MAX: variants seen among roughly 807,000 people sequenced by gnomAD.
MAX encodes protein max.
Under a neutral mutation model 22.3 loss-of-function variants are expected in MAX, and 3 were observed. The observed-to-expected ratio is 0.13, with a 90% CI of 0.06 to 0.35. The LOEUF is 0.35. Ranked by LOEUF, MAX falls within the 10% of genes least tolerant of loss-of-function variation. The pLI is 1.00. For missense variants in MAX, 119 were observed against 209.4 expected, an observed-to-expected ratio of 0.57 and a Z score of 2.66; for synonymous variants, 72 against 77.7, an observed-to-expected ratio of 0.93 and a Z score of 0.39.
At chr14:65,043,106 C>G (rs1006580781) in intron 3 of MAX, among the ~76,000 whole-genome samples, 3 of 152,162 alleles carry the variant, frequency 2.0e-5, no homozygotes, top group Admixed American at 2.0e-4. Context: ...AGGAAGTACC[C>G]TCCCCTGTAC....
Position 65,009,664 on chromosome 14 carries a change from G to T in MAX, c.172-3380C>A, listed in dbSNP as rs2061654264. On this transcript the variant is annotated intron_variant, in intron 3 of 3. Transcript: ENST00000341653. The surrounding 1 kb of genome is among the most constrained non-coding windows in gnomAD (Gnocchi z 4.2). ...CCCTATGGATTTCCTCTGAGCTTTTGCATTTCTAATGTGGAATTTCTCTGC... is the reference window on the plus strand; with the variant it reads ...CCCTATGGATTTCCTCTGAGCTTTTTCATTTCTAATGTGGAATTTCTCTGC... 6.6e-6 allele frequency among the ~76,000 whole-genome samples: 1 copy of T among 152,010 alleles called. No individual in the cohort carries two copies. The highest frequency in any genetic ancestry group is 1.5e-5 in the Non-Finnish European group (1 of 67,998).
In MAX at chr14:65,027,762, G is replaced by A. The variant is rs1442556611; in HGVS notation, c.172-21478C>T. On this transcript the variant is annotated intron_variant, in intron 3 of 3. Transcript: ENST00000341653. This position sits in a 1 kb window ranked among gnomAD's most constrained non-coding sequence, Gnocchi z 5.7. ...TGACGGCTCCTTTCTCATGCATGTCGGAGGTGAGGTGGATGTGAGGTGAGT... is the reference window on the plus strand; with the variant it reads ...TGACGGCTCCTTTCTCATGCATGTCAGAGGTGAGGTGGATGTGAGGTGAGT... 6 of 1,614,088 alleles carry A rather than the reference G, an allele frequency of 3.7e-6. No individual in the cohort carries two copies. The highest frequency in any genetic ancestry group is 1.3e-5 in the African/African-American group (1 of 74,998).
At position 65,022,152 on chromosome 14, in the gene MAX, G is replaced by A. The variant is rs887935473; in HGVS notation, c.172-15868C>T. 7 of 445,274 alleles carry A rather than the reference G, an allele frequency of 1.6e-5. No homozygotes were observed. In the East Asian group the frequency reaches 4.2e-4, roughly 27 times the overall value. The allele number at this position is 445,274 out of a possible 1,614,324, so 27.6% of individuals were successfully genotyped here. ...GATTTCCTCTTCACTATATCAAGCT[G>A]AAGCTGTTTTAGTTAGTACGAGAAC... is the stretch of plus-strand genomic sequence containing the variant. On this transcript the variant is annotated intron_variant, in intron 3 of 3. Transcript: ENST00000341653.
At chr14:65,094,448 T>C (rs1037117536) in intron 2 of MAX, among the ~76,000 whole-genome samples, 1 of 152,242 alleles carries the variant, frequency 6.6e-6, no homozygotes, top group Non-Finnish European at 1.5e-5. Context: ...AGTTCCTATT[T>C]TTTAAAAGTA....
Position 65,077,462 on chromosome 14 carries a change from G to T in MAX, c.295+451C>A. On this transcript the variant is annotated intron_variant, in intron 4 of 4. Transcript: ENST00000358664. This position sits in a 1 kb window ranked among gnomAD's most constrained non-coding sequence, Gnocchi z 6.3. The stretch of plus-strand genomic sequence containing the variant: ...GTAGGAAAAGGCGGGTGTGAGCATT[G>T]AGAACAGCATGGGCCTAGCCCATAG... 7.1e-7 allele frequency: 1 copy of T among 1,410,504 alleles called. No individual in the cohort carries two copies. The highest frequency in any genetic ancestry group is 1.0e-6 in the Non-Finnish European group (1 of 994,100). 87.4% of individuals were successfully genotyped at this position (1,410,504 alleles called of 1,614,324 possible).
At chr14:65,053,625 T>TAAAAAAAAACAAAC (rs201558638) in intron 3 of MAX, among the ~76,000 whole-genome samples, 1 of 146,246 alleles carries the variant, frequency 6.8e-6, no homozygotes, top group South Asian at 2.1e-4. Flanking sequence ...CTTCTTTTTT[T>TAAAAAAAAACAAAC]TAAAAAAAAC....
intron 3 of MAX, among the ~76,000 whole-genome samples, chr14:65,008,809 C>G (rs2061637310): frequency 6.6e-6 from 1 of 152,174 alleles, no homozygotes. Flanking sequence ...GGGCTCACCC[C>G]TCATAAGAAA....
chr14:65,017,656 A>AT (rs1047727577), intron 3 of MAX, among the ~76,000 whole-genome samples: 22 of 152,282 alleles, frequency 1.4e-4, no homozygotes, highest in African/African-American at 4.8e-4. Context: ...TTTAAAAAAA[A>AT]TTTTTTTTAA....
At chr14:65,065,693 T>C (rs1334189534) in intron 3 of MAX, among the ~76,000 whole-genome samples, 10 of 152,206 alleles carry the variant, frequency 6.6e-5, no homozygotes, top group Admixed American at 5.9e-4. Context: ...CAAAACATGA[T>C]GTGGCGTGAC....
In MAX at chr14:65,093,531, G is replaced by C. The variant is rs58585229; in HGVS notation, c.171+177C>G. ...ATTATATCTGACATATTTTGTTAAG[G>C]ATAAACTGGAGTACGTAAGGTGTGC... On this transcript the variant is annotated intron_variant, in intron 3 of 4. Transcript: ENST00000358664. The surrounding 1 kb of genome is among the most constrained non-coding windows in gnomAD (Gnocchi z 4.4). The C allele has an allele frequency of 9.4e-6, 6 of 635,988 alleles. No individual in the cohort carries two copies. Among genetic ancestry groups the C allele is most frequent in the Non-Finnish European group, 1.7e-5 (6 of 347,652 alleles). 39.4% of individuals were successfully genotyped at this position (635,988 alleles called of 1,614,324 possible). A position where few individuals can be genotyped will look rare whatever the true frequency, so the allele number is the denominator to read the frequency against.
downstream of MAX, among the ~76,000 whole-genome samples, chr14:65,070,781 T>A (rs2062980009): frequency 9.9e-5 from 15 of 152,208 alleles, no homozygotes; most frequent in Admixed American, 9.8e-4. This position sits in a 1 kb window ranked among gnomAD's most constrained non-coding sequence, Gnocchi z 4.4. Flanking sequence ...ACCACTGTCA[T>A]AACCAGCCCT....
chr14:65,067,043 G>A (rs897422565), intron 3 of MAX, among the ~76,000 whole-genome samples: 50 of 150,470 alleles, frequency 3.3e-4, no homozygotes, highest in South Asian at 2.3e-3. Flanking sequence ...AAAATTAGTC[G>A]GATGCGGTGG....
rs1423637061 is a variant in MAX, at chr14:65,023,006, A to C, written c.172-16722T>G. On this transcript the variant is annotated intron_variant, in intron 3 of 3. Coordinates refer to the MAX transcript ENST00000341653. The surrounding 1 kb of genome is among the most constrained non-coding windows in gnomAD (Gnocchi z 4.1). The stretch of plus-strand genomic sequence containing the variant: ...CTCATTTTGTATTATATGCTTATTT[A>C]CTGTACATGCCTTTGAATCCTTCAT... 6.6e-6 allele frequency among the ~76,000 whole-genome samples: 1 copy of C among 152,006 alleles called. No individual in the cohort carries two copies. The highest frequency in any genetic ancestry group is 1.5e-5 in the Non-Finnish European group (1 of 68,018).
At chr14:65,101,374 T>C (rs1449395477) in intron 2 of MAX, among the ~76,000 whole-genome samples, 172 bp downstream of exon 2, 2 of 152,148 alleles carry the variant, frequency 1.3e-5, no homozygotes, top group African/African-American at 2.4e-5. Flanking sequence ...TCTAGAATAA[T>C]GGGATTTGCA....
intron 3 of MAX, among the ~76,000 whole-genome samples, chr14:65,035,257 A>T (rs1376439334): frequency 2.0e-5 from 3 of 152,188 alleles, no homozygotes; most frequent in Admixed American, 6.5e-5. Flanking sequence ...AGGGCAAACC[A>T]GAGAGAAAAA....
chr14:65,061,435 T>G, intron 3 of MAX: 1 of 1,433,244 alleles, frequency 7.0e-7, no homozygotes. Context: ...TGTGGTTCTC[T>G]TGGTACTTTC....
At chr14:65,092,705 ATAAAG>A (rs1189603260) in intron 3 of MAX, among the ~76,000 whole-genome samples, 3 of 152,242 alleles carry the variant, frequency 2.0e-5, no homozygotes. Flanking sequence ...CACACCTTAG[ATAAAG>A]TATAGAGGCC....
At position 65,101,586 on chromosome 14, in the gene MAX, G is replaced by GAA. The variant is rs747340873; in HGVS notation, c.37-16_37-15dup. On this transcript the variant is annotated splice_polypyrimidine_tract_variant and intron_variant, in intron 1 of 4. Coordinates refer to ENST00000358664, the MANE Select transcript of MAX (RefSeq NM_002382.5). ...CGGTTGCTCTTCCTGGAATAAGAGA[G>GAA]AAAAAAAAAAATAGAAAATATAGAA... The GAA allele has an allele frequency of 1.0e-4, 128 of 1,245,224 alleles. No individual in the cohort carries two copies. Among genetic ancestry groups the GAA allele is most frequent in the South Asian group, 1.3e-4 (9 of 69,958 alleles). 77.1% of individuals were successfully genotyped at this position (1,245,224 alleles called of 1,614,324 possible). A position where few individuals can be genotyped will look rare whatever the true frequency, so the allele number is the denominator to read the frequency against.
intron 3 of MAX, among the ~76,000 whole-genome samples, chr14:65,026,402 G>A (rs952786503): frequency 3.3e-5 from 5 of 152,206 alleles, no homozygotes; most frequent in African/African-American, 7.2e-5. Context: ...GGGAATGGGA[G>A]CCTGTTTGAA....
Sources: allele counts gnomAD v4.1 joint callset (sites outside exome capture counted in the v4.1 genomes callset), GRCh38; gene constraint gnomAD v4.1.1; non-coding constraint Gnocchi (gnomAD v3.1); transcripts MANE v1.5; gene names NCBI Gene and HGNC (gene_info 2026-07-23, HGNC 2026-07-21).